RBMS3: variants seen among roughly 807,000 people sequenced by gnomAD.
RBMS3 encodes the protein RNA binding motif single stranded interacting protein 3, also known as RNA-binding motif, single-stranded-interacting protein 3.
A neutral mutation model predicts 66.8 loss-of-function variants in RBMS3; 27 were observed. The ratio of observed to expected loss-of-function variants is 0.40; its 90% CI spans 0.30 to 0.56. The LOEUF (loss-of-function observed/expected upper bound fraction) is 0.56, where lower values mean the gene tolerates loss of function less well. RBMS3 is among the 20% of genes least tolerant of loss of function. RBMS3 has a pLI of 0.40. For synonymous variants in RBMS3, 188 were observed against 183.0 expected, an observed-to-expected ratio of 1.03 and a Z score of -0.22; for missense variants, 513 against 549.5, an observed-to-expected ratio of 0.93 and a Z score of 0.66.
At chr3:29,387,585 C>T (rs1430627174) in intron 1 of RBMS3, among the ~76,000 whole-genome samples, 2 of 151,996 alleles carry the variant, frequency 1.3e-5, no homozygotes, top group Admixed American at 6.6e-5. Context: ...TGTTCTCCAC[C>T]GTGCAGCCAG....
intron 3 of RBMS3, among the ~76,000 whole-genome samples, chr3:29,508,739 G>A (rs1197400617): frequency 6.6e-6 from 1 of 151,604 alleles, no homozygotes; most frequent in East Asian, 2.0e-4. Context: ...TGGGTCAAAT[G>A]GTATTTCTGG....
At chr3:29,395,914 A>G (rs4432591) in intron 1 of RBMS3, among the ~76,000 whole-genome samples, 123,439 of 152,156 alleles carry the variant, frequency 0.81, 50,492 homozygotes, top group East Asian at 0.97. Context: ...GGAAATCAAA[A>G]TACAGAAATA....
intron 1 of RBMS3, among the ~76,000 whole-genome samples, chr3:29,362,600 A>G (rs1559518217): frequency 6.6e-6 from 1 of 152,098 alleles, no homozygotes; most frequent in Non-Finnish European, 1.5e-5. Context: ...GAAATCACCC[A>G]TCTTCTGCGT....
rs548031550 is a variant in RBMS3 at position 29,431,301 on chromosome 3, C to CTTT, written c.76-3432_76-3430dup. The stretch of plus-strand genomic sequence containing the variant: ...TGTTTCTTTCTTTCTTTTTCCTTTT[C>CTTT]TTTTTTTTTTTTGACAGAGTCTCAC... On this transcript the variant is annotated intron_variant, in intron 1 of 14. Transcript: ENST00000383767. 6.8e-5 allele frequency among the ~76,000 whole-genome samples: 9 copies of CTTT among 132,388 alleles called. 3 individuals carry two copies. Among genetic ancestry groups the CTTT allele is most frequent in the Non-Finnish European group, 1.1e-4 (7 of 63,970 alleles). The allele number at this position is 132,388 out of a possible 152,430, so 86.9% of individuals were successfully genotyped here.
At chr3:29,342,711 A>G (rs987950370) in intron 1 of RBMS3, among the ~76,000 whole-genome samples, 1 of 152,166 alleles carries the variant, frequency 6.6e-6, no homozygotes, top group African/African-American at 2.4e-5. Flanking sequence ...GATCAATTAT[A>G]TAGTCAGGTA....
At chr3:29,642,260 C>G (rs1386151495) in intron 4 of RBMS3, among the ~76,000 whole-genome samples, 1 of 152,024 alleles carries the variant, frequency 6.6e-6, no homozygotes, top group African/African-American at 2.4e-5. Flanking sequence ...ATGCTTTGCT[C>G]TGTCTTCTCT....
rs371380423 is a variant in RBMS3 at position 29,739,312 on chromosome 3, T to C, written c.400-408T>C. ...TCTACTAAAAATACAAAAAATTAGC[T>C]GGGCGTGGTGGCGGGCGCCTGTAGT... On this transcript the variant is annotated intron_variant, in intron 4 of 14. Coordinates refer to ENST00000383767, the MANE Select transcript of RBMS3 (RefSeq NM_001003793.3). 4.2e-3 allele frequency among the ~76,000 whole-genome samples: 631 copies of C among 151,824 alleles called. 5 individuals carry two copies. The highest frequency in any genetic ancestry group is 0.02 in the South Asian group (96 of 4,812).
At chr3:29,357,842 G>A (rs1186609620) in intron 1 of RBMS3, among the ~76,000 whole-genome samples, 1 of 152,124 alleles carries the variant, frequency 6.6e-6, no homozygotes, top group East Asian at 1.9e-4. Context: ...CTGCATAAAT[G>A]TCTTCTTTTG....
intron 1 of RBMS3, among the ~76,000 whole-genome samples, chr3:29,304,155 A>G (rs1340553192): frequency 6.6e-6 from 1 of 151,958 alleles, no homozygotes; most frequent in Non-Finnish European, 1.5e-5. Context: ...TTTTGTATAT[A>G]GTCTGTTATA....
chr3:29,700,630 G>A (rs1386631165), intron 4 of RBMS3, among the ~76,000 whole-genome samples: 1 of 151,366 alleles, frequency 6.6e-6, no homozygotes, highest in Non-Finnish European at 1.5e-5. Context: ...AGTAAGATAT[G>A]AATAGGTGCA....
intron 1 of RBMS3, among the ~76,000 whole-genome samples, chr3:29,415,334 A>C (rs2125692032): frequency 6.6e-6 from 1 of 152,274 alleles, no homozygotes; most frequent in East Asian, 1.9e-4. Context: ...AATTATTATA[A>C]ATTTGCAACA....
chr3:29,870,487 C>T (rs1243986748), intron 7 of RBMS3, among the ~76,000 whole-genome samples: 1 of 152,114 alleles, frequency 6.6e-6, no homozygotes, highest in African/African-American at 2.4e-5. Flanking sequence ...TATAATATTA[C>T]CTTCATACAA....
At position 29,598,220 on chromosome 3, in the gene RBMS3, T is replaced by A. The variant is rs376465844; in HGVS notation, c.399+11015T>A. ...AAGTTAAGTTTATTGGATACCAGAATGCAGCACACAGAAGTCTGTGTTTTA... is the reference window on the plus strand; with the variant it reads ...AAGTTAAGTTTATTGGATACCAGAAAGCAGCACACAGAAGTCTGTGTTTTA... On this transcript the variant is annotated intron_variant, in intron 4 of 14. Transcript: ENST00000383767. Among the ~76,000 whole-genome samples, 291 of 152,218 alleles carry A rather than the reference T, an allele frequency of 1.9e-3. 1 individual carries two copies. In the South Asian group the frequency reaches 0.027, roughly 14 times the overall value.
chr3:29,633,543 A>T (rs1029284653), intron 4 of RBMS3, among the ~76,000 whole-genome samples: 1 of 151,824 alleles, frequency 6.6e-6, no homozygotes, highest in Non-Finnish European at 1.5e-5. Context: ...TTTATCCCCA[A>T]TGTACATCAT....
intron 1 of RBMS3, among the ~76,000 whole-genome samples, chr3:29,429,892 G>T (rs554770627): frequency 5.3e-5 from 8 of 152,154 alleles, no homozygotes; most frequent in Non-Finnish European, 1.0e-4. Context: ...CAGTAAAGGG[G>T]CTGCTGTGAC....
chr3:29,318,568 A>G (rs981274515), intron 1 of RBMS3, among the ~76,000 whole-genome samples: 7 of 151,934 alleles, frequency 4.6e-5, no homozygotes, highest in Admixed American at 2.0e-4. Flanking sequence ...CCTGGCACTG[A>G]TTAGCAATTA....
chr3:29,417,887 A>G (rs757806804), intron 1 of RBMS3, among the ~76,000 whole-genome samples: 12 of 152,180 alleles, frequency 7.9e-5, no homozygotes, highest in Non-Finnish European at 1.5e-4. Context: ...ATACTCTATT[A>G]TATTTTGGTA....
chr3:29,743,528 G>A (rs1423330861), intron 5 of RBMS3, among the ~76,000 whole-genome samples: 3 of 152,132 alleles, frequency 2.0e-5, no homozygotes, highest in Non-Finnish European at 4.4e-5. Context: ...TAACAGTCTG[G>A]TGGTGAGGGT....
intron 10 of RBMS3, among the ~76,000 whole-genome samples, chr3:29,932,548 C>T (rs767420330): frequency 3.3e-5 from 5 of 152,110 alleles, no homozygotes; most frequent in South Asian, 2.1e-4. Context: ...GTGGCACTGA[C>T]CTAGAATACT....
Sources: allele counts gnomAD v4.1 joint callset (sites outside exome capture counted in the v4.1 genomes callset), GRCh38; gene constraint gnomAD v4.1.1; transcripts MANE v1.5; gene names NCBI Gene and HGNC (gene_info 2026-07-23, HGNC 2026-07-21).